The following DPF3 variants were observed in gnomAD, a reference collection of about 807,000 sequenced individuals.
DPF3 encodes the protein zinc finger protein DPF3.
DPF3 carries 18 observed loss-of-function variants against 56.8 expected under a neutral mutation model. That is an observed-to-expected ratio of 0.32 (90% CI 0.22 to 0.47). The LOEUF is 0.47. DPF3 is among the 20% of genes least tolerant of loss of function. The pLI is 1.00. For synonymous variants in DPF3, 188 were observed against 180.2 expected (o/e 1.04, Z -0.35); for missense variants, 403 against 488.8 (o/e 0.82, Z 1.65).
chr14:72,733,306 T>C (rs1373168042), intron 3 of DPF3, among the ~76,000 whole-genome samples: 1 of 152,076 alleles, frequency 6.6e-6, no homozygotes, highest in African/African-American at 2.4e-5. Context: ...TGGCCTGCTC[T>C]TTTGGGGGTA....
chr14:72,837,206 A>T (rs1484621259), intron 1 of DPF3, among the ~76,000 whole-genome samples: 1 of 152,050 alleles, frequency 6.6e-6, no homozygotes, highest in Non-Finnish European at 1.5e-5. Flanking sequence ...TGCAAAGAAG[A>T]ATGAGGGTGG....
chr14:72,657,257 T>C (rs1483153102), intron 8 of DPF3, among the ~76,000 whole-genome samples: 1 of 152,224 alleles, frequency 6.6e-6, no homozygotes, highest in Non-Finnish European at 1.5e-5. Context: ...CATTGTCTCC[T>C]ATCATTTGTC....
intron 1 of DPF3, among the ~76,000 whole-genome samples, chr14:72,842,544 G>C (rs564476979): frequency 1.3e-5 from 2 of 152,312 alleles, no homozygotes; most frequent in South Asian, 4.2e-4. Flanking sequence ...GGTGGGATGG[G>C]GTAGGGAGCG....
rs568488423 is a variant in DPF3 at position 72,703,698 on chromosome 14, G to C, written c.605-10485C>G. ...CTCGGTTTCCTCGTCTGTAAAACAA[G>C]GGCAATAACAGTTTGTAGCTCATGG... On this transcript the variant is annotated intron_variant, in intron 6 of 10. Coordinates refer to ENST00000556509, the MANE Select transcript of DPF3 (RefSeq NM_001280542.3). Among the ~76,000 whole-genome samples, 119 of 152,300 alleles carry C rather than the reference G, an allele frequency of 7.8e-4. 1 individual carries two copies. The highest frequency in any genetic ancestry group is 2.7e-3 in the African/African-American group (114 of 41,558).
intron 5 of DPF3, 66 bp from the exon 6 acceptor site, chr14:72,714,567 C>G: frequency 6.4e-7 from 1 of 1,565,716 alleles, no homozygotes; most frequent in East Asian, 2.3e-5. Context: ...GGAGCATGCG[C>G]TCTGCGAGCT....
At chr14:72,665,456 A>T (rs1886402826) in intron 8 of DPF3, among the ~76,000 whole-genome samples, 3 of 152,222 alleles carry the variant, frequency 2.0e-5, no homozygotes, top group Admixed American at 6.5e-5. Flanking sequence ...GTCACCAGTA[A>T]TGGGGTAAAT....
intron 1 of DPF3, among the ~76,000 whole-genome samples, chr14:72,774,747 T>G (rs1248889356): frequency 6.6e-6 from 1 of 152,118 alleles, no homozygotes; most frequent in East Asian, 1.9e-4. Flanking sequence ...AACCAAACTG[T>G]AATCAAATTG....
intron 1 of DPF3, among the ~76,000 whole-genome samples, chr14:72,787,264 T>C (rs1892249056): frequency 6.6e-6 from 1 of 152,210 alleles, no homozygotes; most frequent in Non-Finnish European, 1.5e-5. Flanking sequence ...CATTCTATCA[T>C]CCCATGGAAT....
At chr14:72,722,082 A>G in intron 5 of DPF3, among the ~76,000 whole-genome samples, 1 of 152,204 alleles carries the variant, frequency 6.6e-6, no homozygotes, top group East Asian at 1.9e-4. Context: ...AGGTATTATA[A>G]CTATTATTTT....
At chr14:72,795,849 G>A (rs75644994) in intron 1 of DPF3, among the ~76,000 whole-genome samples, 12,467 of 152,222 alleles carry the variant, frequency 0.082, 773 homozygotes, top group South Asian at 0.21. Context: ...GGTGAAGCCC[G>A]CACACTTCTC....
chr14:72,801,899 C>G (rs1485940330), intron 1 of DPF3, among the ~76,000 whole-genome samples: 2 of 152,170 alleles, frequency 1.3e-5, no homozygotes, highest in Admixed American at 1.3e-4. Flanking sequence ...CCAAGGACAT[C>G]AAAGAAGGCT....
At chr14:72,856,747 T>C (rs1885182755) in intron 1 of DPF3, among the ~76,000 whole-genome samples, 1 of 152,164 alleles carries the variant, frequency 6.6e-6, no homozygotes, top group Admixed American at 6.5e-5. Flanking sequence ...GTATGAATAA[T>C]GCGTGAAGCA....
In DPF3 at chr14:72,723,656, G is replaced by T; in HGVS notation, c.502C>A (p.Arg168=). Residue 168 remains arginine, a synonymous_variant, in exon 5 of 11, where the codon CGA becomes AGA. Coordinates refer to ENST00000556509, the MANE Select transcript of DPF3 (RefSeq NM_001280542.3). ...EEDLEEDIPK[R]KNRTRGRARG... is the part of the protein sequence containing the mutation. ...ACCCGTCCTCTAGTCCTGTTCTTTCGCTTGGGAATATCCTCTTCCAAATCC... is the reference window on the plus strand; with the variant it reads ...ACCCGTCCTCTAGTCCTGTTCTTTCTCTTGGGAATATCCTCTTCCAAATCC... The T allele has an allele frequency of 6.3e-7, 1 of 1,583,950 alleles. No homozygotes were observed. The highest frequency in any genetic ancestry group is 8.5e-7 in the Non-Finnish European group (1 of 1,170,488).
At chr14:72,879,389 A>G (rs962653396) in intron 1 of DPF3, among the ~76,000 whole-genome samples, 13 of 151,916 alleles carry the variant, frequency 8.6e-5, no homozygotes, top group Non-Finnish European at 7.4e-5. Flanking sequence ...CAAAAAAAAA[A>G]AAAAAAGAAA....
chr14:72,692,508 C>T (rs183630723), intron 7 of DPF3, among the ~76,000 whole-genome samples: 102 of 152,264 alleles, frequency 6.7e-4, no homozygotes, highest in Non-Finnish European at 1.0e-3. Context: ...ACATCCCAAA[C>T]GACAAATCCA....
At chr14:72,626,621 G>C (rs1884844515) in intron 9 of DPF3, among the ~76,000 whole-genome samples, 1 of 152,076 alleles carries the variant, frequency 6.6e-6, no homozygotes, top group Non-Finnish European at 1.5e-5. Context: ...ATATTCTGTA[G>C]TAATGAACAA....
chr14:72,838,909 T>TATATA (rs1491369142), intron 1 of DPF3, among the ~76,000 whole-genome samples: 8 of 7,652 alleles, frequency 1.0e-3, no homozygotes, highest in Admixed American at 3.8e-3. Context: ...ATATATATTC[T>TATATA]TTTTTTTTTT....
intron 1 of DPF3, among the ~76,000 whole-genome samples, chr14:72,790,246 T>C (rs1255273425): frequency 2.0e-5 from 3 of 152,072 alleles, no homozygotes; most frequent in Non-Finnish European, 4.4e-5. Flanking sequence ...AAATAAAAAA[T>C]AATTAATTAA....
At chr14:72,723,982 G>C (rs1225002260) in intron 4 of DPF3, 2 of 357,946 alleles carry the variant, frequency 5.6e-6, no homozygotes, top group East Asian at 5.3e-5. Flanking sequence ...CATTCTTTTT[G>C]CCCAAGAAGA....
Sources: allele counts gnomAD v4.1 joint callset (sites outside exome capture counted in the v4.1 genomes callset), GRCh38; gene constraint gnomAD v4.1.1; transcripts MANE v1.5; gene names NCBI Gene and HGNC (gene_info 2026-07-23, HGNC 2026-07-21).